Variants in VGLL4 observed in about 807,000 individuals in gnomAD.
The protein encoded by VGLL4 is transcription cofactor vestigial-like protein 4.
A neutral mutation model predicts 21.0 loss-of-function variants in VGLL4; 7 were observed. The ratio of observed to expected loss-of-function variants is 0.33; its 90% confidence interval spans 0.19 to 0.63. The LOEUF is 0.63. VGLL4 is among the 20% of genes least tolerant of loss of function. The pLI, the probability that VGLL4 is intolerant of heterozygous loss-of-function variation, is 0.78. For synonymous variants in VGLL4, 222 were observed against 173.2 expected (o/e 1.28, Z -2.21); for missense variants, 394 against 425.7 (o/e 0.93, Z 0.66).
chr3:11,620,292 A>G (rs2075241130), intron 1 of VGLL4, among the ~76,000 whole-genome samples: 1 of 152,104 alleles, frequency 6.6e-6, no homozygotes, highest in South Asian at 2.1e-4. Context: ...CAACTCCTAT[A>G]CCACTCGGAG....
intron 2 of VGLL4, chr3:11,582,153 C>A: frequency 9.2e-7 from 1 of 1,082,858 alleles, no homozygotes; most frequent in Non-Finnish European, 1.4e-6. Context: ...CCCTTCTAAG[C>A]AAAGACTACT....
At chr3:11,695,725 G>T (rs1020724075) in intron 2 of VGLL4, among the ~76,000 whole-genome samples, 1 of 151,828 alleles carries the variant, frequency 6.6e-6, no homozygotes. Context: ...TTGTCAGAAT[G>T]CCAGCAAGTA....
rs1418077599 is a variant in VGLL4, at chr3:11,564,855, A to G, written c.437T>C (p.Leu146Pro). 2 of 1,607,342 alleles carry G rather than the reference A, an allele frequency of 1.2e-6. No individual in the cohort carries two copies. Among genetic ancestry groups the G allele is most frequent in the African/African-American group, 2.7e-5 (2 of 74,840 alleles). The change falls in exon 3 of 5, where the codon CTG becomes CCG. Residue 146 changes from leucine to proline, a missense_variant. Transcript: ENST00000430365. ...GAGGCCGGCTGGCCTGCTGGCGTCC[A>G]GGCTGTTCTTGGTCAGTGCGAGGGG... Reference protein sequence around the residue: ...EQPLALTKNSLDASRPAGLSP... With the variant: ...EQPLALTKNSPDASRPAGLSP...
chr3:11,708,891 G>A (rs2076798651), intron 1 of VGLL4, among the ~76,000 whole-genome samples: 1 of 151,932 alleles, frequency 6.6e-6, no homozygotes, highest in East Asian at 1.9e-4. Flanking sequence ...GTGAAACTCA[G>A]TCTCTACTAA....
chr3:11,560,921 A>G (rs1276741437), intron 3 of VGLL4, among the ~76,000 whole-genome samples: 1 of 152,122 alleles, frequency 6.6e-6, no homozygotes, highest in Non-Finnish European at 1.5e-5. Context: ...AGGCTCGGAA[A>G]GGGGGTTGGG....
At chr3:11,584,552 C>T (rs1166559917) in intron 2 of VGLL4, among the ~76,000 whole-genome samples, 2 of 152,020 alleles carry the variant, frequency 1.3e-5, no homozygotes, top group Admixed American at 6.6e-5. Context: ...AGACCTCTGA[C>T]CCAGAAATTC....
At chr3:11,591,054 G>C (rs777425373) in intron 2 of VGLL4, among the ~76,000 whole-genome samples, 4 of 152,150 alleles carry the variant, frequency 2.6e-5, no homozygotes, top group Admixed American at 1.3e-4. Context: ...TAATCCTCTA[G>C]CTACGGATAA....
chr3:11,582,395 C>G, intron 2 of VGLL4: 1 of 1,550,634 alleles, frequency 6.4e-7, no homozygotes, highest in Non-Finnish European at 8.7e-7. Context: ...ACTGGATGGG[C>G]GGGCGCTTGT....
intron 2 of VGLL4, among the ~76,000 whole-genome samples, chr3:11,687,829 A>G (rs1575531806): frequency 6.6e-6 from 1 of 152,098 alleles, no homozygotes; most frequent in Admixed American, 6.6e-5. Context: ...TCCCTTTTTT[A>G]AGAAAAATCA....
intron 2 of VGLL4, among the ~76,000 whole-genome samples, chr3:11,573,069 GGGA>G (rs2073836474): frequency 6.6e-6 from 1 of 151,900 alleles, no homozygotes; most frequent in East Asian, 1.9e-4. Flanking sequence ...CAGAGGCTGA[GGGA>G]GGAGAATCGG....
intron 1 of VGLL4, among the ~76,000 whole-genome samples, chr3:11,624,647 A>C (rs573940783): frequency 1.1e-4 from 16 of 152,186 alleles, no homozygotes; most frequent in Non-Finnish European, 1.8e-4. Context: ...CCTATAAGGC[A>C]TACAGTCATA....
Position 11,661,697 on chromosome 3 carries a change from C to T in VGLL4, c.64+41274G>A, listed in dbSNP as rs545949987. Among the ~76,000 whole-genome samples, 23 of 152,118 alleles carry T rather than the reference C, an allele frequency of 1.5e-4. No homozygotes were observed. The East Asian group carries it at 3.5e-3, about 23-fold the overall frequency. ...GTGTTGGCCATGCTGGTCTCCAATC[C>T]CTGACCTCAGGTGATCTGCCCGCCT... On this transcript the variant is annotated intron_variant, in intron 2 of 5. Coordinates refer to the VGLL4 transcript ENST00000273038.
upstream of VGLL4, among the ~76,000 whole-genome samples, chr3:11,646,708 C>T (rs1199872871): frequency 6.6e-6 from 1 of 151,938 alleles, no homozygotes; most frequent in Non-Finnish European, 1.5e-5. Flanking sequence ...AGGGACTCAG[C>T]ATCACTTAGA....
At chr3:11,670,271 A>C (rs879718774) in intron 2 of VGLL4, among the ~76,000 whole-genome samples, 11 of 152,234 alleles carry the variant, frequency 7.2e-5, no homozygotes, top group Non-Finnish European at 1.6e-4. Flanking sequence ...AATAATGGAA[A>C]GAAAACTGAA....
At chr3:11,564,620 G>A in intron 3 of VGLL4, 177 bp downstream of exon 3, 1 of 747,620 alleles carries the variant, frequency 1.3e-6, no homozygotes, top group East Asian at 2.8e-5. Context: ...CTCCTGTTCT[G>A]CTGTCCCTTG....
At position 11,573,296 on chromosome 3, in the gene VGLL4, A is replaced by G. The variant is rs183816942; in HGVS notation, c.273-8277T>C. On this transcript the variant is annotated intron_variant, in intron 2 of 4. Transcript: ENST00000430365. ...GAAAGAAAGAAAGAAAGAAAGAAAG[A>G]AAGAAAGAAAGGAAGGAAGGAAGAA... Among the ~76,000 whole-genome samples the G allele has an allele frequency of 8.7e-3, 99 of 11,328 alleles. 4 individuals are homozygous for G. Among genetic ancestry groups the G allele is most frequent in the African/African-American group, 0.025 (37 of 1,504 alleles). The allele number at this position is 11,328 out of a possible 152,430, so 7.4% of individuals were successfully genotyped here.
intron 2 of VGLL4, among the ~76,000 whole-genome samples, chr3:11,597,145 C>T (rs751731738): frequency 3.2e-4 from 48 of 152,156 alleles, no homozygotes; most frequent in Non-Finnish European, 5.1e-4. Context: ...ACAGGAACCC[C>T]GGAGTCCATA....
chr3:11,574,586 C>T (rs973885812), intron 2 of VGLL4, among the ~76,000 whole-genome samples: 30 of 152,270 alleles, frequency 2.0e-4, no homozygotes, highest in African/African-American at 5.5e-4. Context: ...TCACCTAGAC[C>T]ACTGTAGGGT....
At chr3:11,614,426 T>C (rs1002459957) in intron 1 of VGLL4, among the ~76,000 whole-genome samples, 3 of 152,252 alleles carry the variant, frequency 2.0e-5, no homozygotes, top group Non-Finnish European at 4.4e-5. Flanking sequence ...AGGAGTAAGA[T>C]GGTGGTCCCG....
Sources: allele counts gnomAD v4.1 joint callset (sites outside exome capture counted in the v4.1 genomes callset), GRCh38; gene constraint gnomAD v4.1.1; transcripts MANE v1.5; gene names NCBI Gene and HGNC (gene_info 2026-07-23, HGNC 2026-07-21).